Variants in CADM2 observed in about 807,000 individuals in gnomAD.
The protein encoded by CADM2 is immunoglobulin superfamily member 4D.
A neutral mutation model predicts 49.8 loss-of-function variants in CADM2; 12 were observed. The observed-to-expected ratio is 0.24, with a 90% confidence interval of 0.15 to 0.39. The LOEUF is 0.39. Among genes scored for constraint, CADM2 ranks in the 10% least tolerant of loss-of-function variants. CADM2 has a pLI of 1.00. For missense variants in CADM2, 378 were observed against 492.3 expected, an observed-to-expected ratio of 0.77 and a Z score of 2.20; for synonymous variants, 214 against 175.4, an observed-to-expected ratio of 1.22 and a Z score of -1.74.
In CADM2 at chr3:85,354,030, G is replaced by T. The variant is rs138681648; in HGVS notation, c.62-372492G>T. ...CTTGTCAACGCCATTTTTTTTTCTG[G>T]AGCTTATTAGGAATAGAACTGACTA... On this transcript the variant is annotated intron_variant, in intron 1 of 9. Transcript: ENST00000383699. Among the ~76,000 whole-genome samples the T allele has an allele frequency of 2.3e-3, 343 of 151,448 alleles. 2 individuals carry two copies. The highest frequency in any genetic ancestry group is 8.0e-3 in the African/African-American group (329 of 41,290).
At chr3:85,602,604 G>C (rs1483899108) in intron 1 of CADM2, among the ~76,000 whole-genome samples, 1 of 151,722 alleles carries the variant, frequency 6.6e-6, no homozygotes, top group Admixed American at 6.6e-5. Context: ...TGCTGGGCAT[G>C]TGATTTTAAA....
At chr3:85,448,036 A>C (rs1280209901) in intron 1 of CADM2, among the ~76,000 whole-genome samples, 1 of 152,100 alleles carries the variant, frequency 6.6e-6, no homozygotes, top group East Asian at 1.9e-4. Flanking sequence ...AATTGCACAA[A>C]ATCCTAGCAA....
chr3:85,796,081 A>C (rs11721040), intron 2 of CADM2, among the ~76,000 whole-genome samples: 30,281 of 152,126 alleles, frequency 0.2, 3,294 homozygotes, highest in African/African-American at 0.23. Flanking sequence ...TTTTCCACTT[A>C]TTTAAAGAAG....
chr3:85,630,347 T>G (rs2064269846), intron 1 of CADM2, among the ~76,000 whole-genome samples: 1 of 152,046 alleles, frequency 6.6e-6, no homozygotes, highest in South Asian at 2.1e-4. Flanking sequence ...TGACTTCCCC[T>G]GTTCTCTTAC....
chr3:85,506,857 C>T (rs2040376904), intron 1 of CADM2, among the ~76,000 whole-genome samples: 3 of 152,092 alleles, frequency 2.0e-5, no homozygotes, highest in Admixed American at 2.0e-4. Flanking sequence ...GTAAAATTAT[C>T]ATTATAGAAT....
At chr3:85,407,353 C>G (rs1457312445) in intron 1 of CADM2, among the ~76,000 whole-genome samples, 1 of 152,152 alleles carries the variant, frequency 6.6e-6, no homozygotes, top group Non-Finnish European at 1.5e-5. Flanking sequence ...TTGTCATTCT[C>G]TTCTTCATTG....
chr3:86,055,326 T>A (rs1737789539), intron 8 of CADM2, among the ~76,000 whole-genome samples: 1 of 152,160 alleles, frequency 6.6e-6, no homozygotes, highest in Admixed American at 6.5e-5. Context: ...AGAATTATGA[T>A]ATCAAGGTGC....
chr3:85,874,381 A>T (rs1711535955), intron 3 of CADM2, among the ~76,000 whole-genome samples: 1 of 152,168 alleles, frequency 6.6e-6, no homozygotes, highest in Non-Finnish European at 1.5e-5. Flanking sequence ...TGGTTTCTCT[A>T]TCTAATGAAG....
At chr3:86,052,169 C>G (rs946180389) in intron 8 of CADM2, among the ~76,000 whole-genome samples, 1 of 151,996 alleles carries the variant, frequency 6.6e-6, no homozygotes, top group Non-Finnish European at 1.5e-5. Flanking sequence ...ATGAAGTTTT[C>G]AACTGTAATT....
At chr3:85,822,398 A>G (rs534410897) in intron 3 of CADM2, among the ~76,000 whole-genome samples, 2 of 152,122 alleles carry the variant, frequency 1.3e-5, no homozygotes, top group Non-Finnish European at 2.9e-5. Flanking sequence ...AGCCTGGCCA[A>G]CATGATGAAA....
At chr3:84,986,357 T>C (rs2107158083) in intron 1 of CADM2, among the ~76,000 whole-genome samples, 1 of 152,266 alleles carries the variant, frequency 6.6e-6, no homozygotes, top group Middle Eastern at 3.4e-3. Context: ...GGGTCATGTC[T>C]TCCTGAATGC....
At chr3:85,585,257 C>G (rs992673200) in intron 1 of CADM2, among the ~76,000 whole-genome samples, 3 of 151,714 alleles carry the variant, frequency 2.0e-5, no homozygotes, top group Admixed American at 1.3e-4. Context: ...TTCAAGTAAC[C>G]CTTACTGTAA....
Position 85,655,973 on chromosome 3 carries a change from T to C in CADM2, c.62-70549T>C, listed in dbSNP as rs530881544. On this transcript the variant is annotated intron_variant, in intron 1 of 9. Transcript: ENST00000383699. Reference sequence around the variant, plus strand: ...CCTGAATTTTGCTCCAAAAGTTCCTTTTTTTTTTTAATTCTCTTCATCACT... The same window carrying C: ...CCTGAATTTTGCTCCAAAAGTTCCTCTTTTTTTTTAATTCTCTTCATCACT... Among the ~76,000 whole-genome samples, 3 of 149,820 alleles carry C rather than the reference T, an allele frequency of 2.0e-5. No homozygotes were observed. In the South Asian group the frequency reaches 6.3e-4, roughly 32 times the overall value.
At chr3:85,615,856 A>G (rs2063788615) in intron 1 of CADM2, among the ~76,000 whole-genome samples, 1 of 151,980 alleles carries the variant, frequency 6.6e-6, no homozygotes, top group South Asian at 2.1e-4. Flanking sequence ...TATAGAGCAT[A>G]AAATATGAGT....
intron 1 of CADM2, among the ~76,000 whole-genome samples, chr3:85,339,526 T>C (rs1485559740): frequency 6.6e-6 from 1 of 150,892 alleles, no homozygotes; most frequent in Non-Finnish European, 1.5e-5. Context: ...GCCCTTCCTT[T>C]CATCTTTTTT....
At chr3:85,460,927 T>C (rs1201377605) in intron 1 of CADM2, among the ~76,000 whole-genome samples, 4 of 152,294 alleles carry the variant, frequency 2.6e-5, no homozygotes. Context: ...ATTAGCTCTG[T>C]CCTTGCTAAT....
At chr3:85,861,353 G>C (rs980959976) in intron 3 of CADM2, among the ~76,000 whole-genome samples, 6 of 152,150 alleles carry the variant, frequency 3.9e-5, no homozygotes, top group African/African-American at 1.2e-4. Flanking sequence ...TTTGTTAACT[G>C]TTAGATGTAG....
chr3:85,507,715 T>C (rs1013090103), intron 1 of CADM2, among the ~76,000 whole-genome samples: 2 of 152,192 alleles, frequency 1.3e-5, no homozygotes, highest in Admixed American at 6.5e-5. Context: ...ATTTAAACTT[T>C]TGTGCTCCTC....
chr3:85,693,649 A>G (rs1160396466), intron 1 of CADM2, among the ~76,000 whole-genome samples: 1 of 145,896 alleles, frequency 6.9e-6, no homozygotes, highest in African/African-American at 2.5e-5. Context: ...GCACTTTGGG[A>G]TGCCGAGGCA....
Sources: allele counts gnomAD v4.1 joint callset (sites outside exome capture counted in the v4.1 genomes callset), GRCh38; gene constraint gnomAD v4.1.1; transcripts MANE v1.5; gene names NCBI Gene and HGNC (gene_info 2026-07-23, HGNC 2026-07-21).